The following HEMK2 variants were observed in gnomAD, a reference collection of about 807,000 sequenced individuals.
HEMK2 encodes the protein methyltransferase HEMK2.
At chr21:28,601,017 C>T in the HEMK2 span, among the ~76,000 whole-genome samples, 4 of 152,330 alleles carry the variant, frequency 2.6e-5, no homozygotes, top group East Asian at 7.7e-4. Context: ...ATCCTTTACT[C>T]AGGTTTTTCT....
chr21:28,626,895 T>TA, the HEMK2 span, among the ~76,000 whole-genome samples: 1 of 151,680 alleles, frequency 6.6e-6, no homozygotes, highest in Non-Finnish European at 1.5e-5. Flanking sequence ...AGTATTTAAT[T>TA]AAAAAAATAA....
chr21:28,650,139 G>A, the HEMK2 span, among the ~76,000 whole-genome samples: 1 of 152,196 alleles, frequency 6.6e-6, no homozygotes, highest in Admixed American at 6.5e-5. Context: ...GCTCACGCCT[G>A]TAATCCCAGC....
At chr21:28,739,129 G>A in the HEMK2 span, among the ~76,000 whole-genome samples, 30 of 152,104 alleles carry the variant, frequency 2.0e-4, no homozygotes, top group African/African-American at 6.0e-4. Flanking sequence ...TGAGAAATTC[G>A]CGAGAGCAGC....
At chr21:28,783,666 GC>G in the HEMK2 span, among the ~76,000 whole-genome samples, 1 of 152,220 alleles carries the variant, frequency 6.6e-6, no homozygotes, top group East Asian at 1.9e-4. Context: ...TGCATGAGGA[GC>G]CCTTCGGCCC....
the HEMK2 span, among the ~76,000 whole-genome samples, chr21:28,606,478 G>A: frequency 6.6e-6 from 1 of 152,012 alleles, no homozygotes; most frequent in Admixed American, 6.6e-5. Flanking sequence ...TTACTCTTCA[G>A]TAGAAAATAA....
the HEMK2 span, among the ~76,000 whole-genome samples, chr21:28,688,814 T>C: frequency 6.6e-6 from 1 of 151,992 alleles, no homozygotes; most frequent in Non-Finnish European, 1.5e-5. Context: ...ACAATGAAAA[T>C]ATATCCCTAG....
the HEMK2 span, among the ~76,000 whole-genome samples, chr21:28,740,481 T>A: frequency 6.6e-6 from 1 of 152,234 alleles, no homozygotes; most frequent in Non-Finnish European, 1.5e-5. Context: ...ATAGCTTCCA[T>A]ATGGGCAATA....
chr21:28,837,885 A>C, the HEMK2 span, among the ~76,000 whole-genome samples: 4 of 152,342 alleles, frequency 2.6e-5, no homozygotes, highest in South Asian at 8.3e-4. Flanking sequence ...TGAAATATAA[A>C]AGATAGTTCA....
the HEMK2 span, among the ~76,000 whole-genome samples, chr21:28,768,031 G>A: frequency 1.3e-5 from 2 of 152,042 alleles, no homozygotes; most frequent in Non-Finnish European, 2.9e-5. Context: ...GAGGAGCAAG[G>A]AATCAGGGTG....
the HEMK2 span, among the ~76,000 whole-genome samples, chr21:28,641,996 A>G: frequency 6.6e-5 from 10 of 152,308 alleles, no homozygotes; most frequent in African/African-American, 2.2e-4. Context: ...CAGTTAGCCA[A>G]ATGTACAGAT....
At chr21:28,820,917 G>A in the HEMK2 span, among the ~76,000 whole-genome samples, 4 of 152,258 alleles carry the variant, frequency 2.6e-5, no homozygotes, top group African/African-American at 9.6e-5. Flanking sequence ...GTGGTTTCTC[G>A]ACACGTACAT....
At chr21:28,861,960 G>A in the HEMK2 span, among the ~76,000 whole-genome samples, 2 of 152,120 alleles carry the variant, frequency 1.3e-5, no homozygotes, top group Admixed American at 1.3e-4. Flanking sequence ...CTGCCACCAG[G>A]AGACACAACA....
the HEMK2 span, among the ~76,000 whole-genome samples, chr21:28,810,211 C>T: frequency 6.6e-6 from 1 of 152,162 alleles, no homozygotes; most frequent in East Asian, 1.9e-4. Flanking sequence ...CAAATTTTTC[C>T]CACCCATTCA....
chr21:28,790,354 G>C, the HEMK2 span, among the ~76,000 whole-genome samples: 1 of 152,116 alleles, frequency 6.6e-6, no homozygotes, highest in African/African-American at 2.4e-5. Context: ...TGTTGTTAAT[G>C]GTTTTTATTA....
the HEMK2 span, among the ~76,000 whole-genome samples, chr21:28,840,733 T>C: frequency 8.6e-5 from 13 of 151,898 alleles, no homozygotes; most frequent in African/African-American, 2.9e-4. Flanking sequence ...ACAGGGAACA[T>C]TTCTACACTG....
the HEMK2 span, among the ~76,000 whole-genome samples, chr21:28,824,510 A>T: frequency 6.6e-6 from 1 of 152,230 alleles, no homozygotes; most frequent in Non-Finnish European, 1.5e-5. Context: ...TCTTCAATTC[A>T]TCTACTGTAA....
chr21:28,728,965 A>C, the HEMK2 span, among the ~76,000 whole-genome samples: 26 of 152,356 alleles, frequency 1.7e-4, no homozygotes, highest in South Asian at 5.2e-3. Flanking sequence ...TACAGTGTCC[A>C]TTCCCAGACC....
the HEMK2 span, among the ~76,000 whole-genome samples, chr21:28,639,415 C>T: frequency 6.6e-6 from 1 of 152,184 alleles, no homozygotes; most frequent in Admixed American, 6.5e-5. Context: ...CTAGTGCCAA[C>T]TAACGACCCT....
the HEMK2 span, among the ~76,000 whole-genome samples, chr21:28,746,521 T>C: frequency 0.074 from 11,262 of 152,186 alleles, 664 homozygotes; most frequent in African/African-American, 0.16. Flanking sequence ...GGAAAATAAA[T>C]ATTTTTAAGG....
Sources: gnomAD v4.1 joint callset for allele counts (sites outside exome capture counted in the v4.1 genomes callset) on GRCh38, gnomAD v4.1.1 for gene constraint, MANE v1.5 for transcripts, NCBI Gene and HGNC (gene_info 2026-07-23, HGNC 2026-07-21) for gene names.